The following CCNL2 variants were observed in gnomAD, a reference collection of about 807,000 sequenced individuals.
CCNL2 encodes cyclin L2.
Under a neutral mutation model 59.1 loss-of-function variants are expected in CCNL2, and 28 were observed. The observed-to-expected ratio is 0.47, with a 90% CI of 0.35 to 0.65. The LOEUF (loss-of-function observed/expected upper bound fraction) is 0.65, where lower values mean the gene tolerates loss of function less well. Ranked by LOEUF, CCNL2 falls within the 30% of genes least tolerant of loss-of-function variation. The probability of loss-of-function intolerance (pLI) is 0.00; values close to 1 mark genes in which losing one functional copy is unlikely to be tolerated. For synonymous variants in CCNL2, 342 were observed against 288.6 expected (o/e 1.19, Z -1.88); for missense variants, 714 against 717.4 (o/e 1.00, Z 0.05).
At position 1,385,920 on chromosome 1, in the gene CCNL2, G is replaced by GC. The variant is rs1231455768; in HGVS notation, c.*1310_*1311insG. On this transcript the variant is annotated 3_prime_UTR_variant, in exon 11 of 11. Transcript: ENST00000400809. ...AGTCTCCTCAGTTCCCCAATTCTGA[G>GC]GGGGGGTCCCACCAGCTATCTAATG... 1 of 17,420 alleles carries GC rather than the reference G, an allele frequency of 5.7e-5. No individual in the cohort carries two copies. Among genetic ancestry groups the GC allele is most frequent in the African/African-American group, 6.4e-5 (1 of 15,670 alleles). The allele number at this position is 17,420 out of a possible 1,614,324, so 1.1% of individuals were successfully genotyped here.
intron 5 of CCNL2, chr1:1,392,398 A>G: frequency 9.1e-7 from 1 of 1,103,322 alleles, no homozygotes; most frequent in Non-Finnish European, 1.1e-6. Flanking sequence ...AAGCTGCTCA[A>G]AAGAGCAACT....
rs1180731108 is a variant in CCNL2, at chr1:1,398,299, T to C, written c.407A>G (p.Glu136Gly). The C allele has an allele frequency of 6.2e-7, 1 of 1,614,066 alleles. No homozygotes were observed. Among genetic ancestry groups the C allele is most frequent in the African/African-American group, 1.3e-5 (1 of 74,928 alleles). Residue 136 changes from glutamate to glycine, a missense_variant, in exon 3 of 11, where the codon GAG becomes GGG. Physicochemically the swap from Glu to Gly is moderately conservative, Grantham distance 98. Transcript: ENST00000400809. Reference sequence around the variant, plus strand: ...GACGTCCCGTATGCGTCTTGGGGCCTCTTCTATCTTGGAAGCCAGGTGGAC... The same window carrying C: ...GACGTCCCGTATGCGTCTTGGGGCCCCTTCTATCTTGGAAGCCAGGTGGAC... ...ACVHLASKIEEAPRRIRDVIN... is the reference protein window; with the variant it reads ...ACVHLASKIEGAPRRIRDVIN...
chr1:1,392,412 G>T (rs942556346), intron 5 of CCNL2: 2 of 1,123,130 alleles, frequency 1.8e-6, no homozygotes, highest in African/African-American at 3.2e-5. Context: ...AGCAACTTCA[G>T]GGCTTCTAGA....
intron 4 of CCNL2, among the ~76,000 whole-genome samples, chr1:1,394,364 A>C (rs559335846): frequency 6.6e-6 from 1 of 152,182 alleles, no homozygotes; most frequent in Admixed American, 6.5e-5. Context: ...ACATGCCGCA[A>C]AACTCGCCAG....
intron 3 of CCNL2, 58 bp downstream of exon 3, chr1:1,398,175 A>G (rs955299705): frequency 2.0e-6 from 3 of 1,512,936 alleles, no homozygotes; most frequent in South Asian, 1.1e-5. Flanking sequence ...ACTGTAACTT[A>G]ATCAGAAATA....
In CCNL2 at chr1:1,395,382, C is replaced by A; in HGVS notation, c.594+12G>T. On this transcript the variant is annotated intron_variant, in intron 4 of 10. Transcript: ENST00000400809. ...CCTAGGCGGGCTCGCAGGGCAGGAG[C>A]CGCACACCCACCTTATGAGGATGCT... 2 of 1,613,846 alleles carry A rather than the reference C, an allele frequency of 1.2e-6. No homozygotes were observed. Among genetic ancestry groups the A allele is most frequent in the Non-Finnish European group, 1.7e-6 (2 of 1,179,894 alleles).
intron 5 of CCNL2, chr1:1,392,823 G>A: frequency 3.7e-6 from 6 of 1,611,302 alleles, no homozygotes; most frequent in South Asian, 1.1e-5. Context: ...AAAGAGTACA[G>A]AAAAGAAAAG....
intron 3 of CCNL2, among the ~76,000 whole-genome samples, chr1:1,396,286 AGAT>A (rs1645016301): frequency 6.9e-6 from 1 of 145,902 alleles, no homozygotes; most frequent in Non-Finnish European, 1.5e-5. Flanking sequence ...TCTTTTTTTG[AGAT>A]GGAGTCTCAC....
At position 1,390,880 on chromosome 1, in the gene CCNL2, C is replaced by G. The variant is rs1160097777; in HGVS notation, c.660-15G>C. ...TCATGTAATTCCTGGAAGCCAAACACAGGAAGAACTGCAATGCCCCACCCG... is the reference window on the plus strand; with the variant it reads ...TCATGTAATTCCTGGAAGCCAAACAGAGGAAGAACTGCAATGCCCCACCCG... On this transcript the variant is annotated splice_polypyrimidine_tract_variant and intron_variant, in intron 5 of 10. Coordinates refer to ENST00000400809, the MANE Select transcript of CCNL2 (RefSeq NM_030937.6). 1 of 1,609,700 alleles carries G rather than the reference C, an allele frequency of 6.2e-7. No homozygotes were observed. The highest frequency in any genetic ancestry group is 8.5e-7 in the Non-Finnish European group (1 of 1,176,164).
chr1:1,392,992 A>G, intron 5 of CCNL2: 1 of 647,680 alleles, frequency 1.5e-6, no homozygotes. Context: ...TAGCACATGC[A>G]TTGCTAAAAT....
In CCNL2 at chr1:1,390,558, A is replaced by G. The variant is rs971279476; in HGVS notation, c.765T>C (p.Pro255=). 7 of 1,610,720 alleles carry G rather than the reference A, an allele frequency of 4.3e-6. No individual in the cohort carries two copies. Among genetic ancestry groups the G allele is most frequent in the African/African-American group, 2.7e-5 (2 of 74,776 alleles). The change falls in exon 7 of 11, where the codon CCT becomes CCC. Residue 255 remains proline, a synonymous_variant. Coordinates refer to ENST00000400809, the MANE Select transcript of CCNL2 (RefSeq NM_030937.6). ...IYLAARTLEI[P]LPNRPHWFLL... Reference sequence around the variant, plus strand: ...GAAACCAATGGGGACGATTGGGCAAAGGGATCTGTAAAAACAAACACTATC... The same window carrying G: ...GAAACCAATGGGGACGATTGGGCAAGGGGATCTGTAAAAACAAACACTATC...
intron 3 of CCNL2, among the ~76,000 whole-genome samples, chr1:1,395,749 G>A (rs183366571): frequency 6.6e-6 from 1 of 152,178 alleles, no homozygotes; most frequent in Non-Finnish European, 1.5e-5. Flanking sequence ...AACAGCTTCT[G>A]GTGCACAAGC....
chr1:1,388,272 C>T, intron 8 of CCNL2: 1 of 569,832 alleles, frequency 1.8e-6, no homozygotes, highest in Non-Finnish European at 3.1e-6. Context: ...CCTGTGAGCC[C>T]AGCACTTCGG....
At chr1:1,398,501 G>T in intron 2 of CCNL2, 96 bp downstream of exon 2, 1 of 1,572,136 alleles carries the variant, frequency 6.4e-7, no homozygotes, top group Non-Finnish European at 8.7e-7. Context: ...TCAGACTGGG[G>T]GGCAAGTACT....
Position 1,398,294 on chromosome 1 carries a change from G to C in CCNL2, c.412C>G (p.Pro138Ala). The stretch of plus-strand genomic sequence containing the variant: ...TTGATGACGTCCCGTATGCGTCTTG[G>C]GGCCTCTTCTATCTTGGAAGCCAGG... ...VHLASKIEEA[P>A]RRIRDVINVF... The change falls in exon 3 of 11, where the codon CCA (proline) becomes GCA (alanine). Residue 138 changes from proline (P) to alanine (A), a missense_variant. Pro to Ala is a conservative substitution (Grantham distance 27). Around this residue, in one of 5 missense-constraint regions of CCNL2, gnomAD observed 270 missense variants for 254.9 expected, o/e 1.06. Transcript: ENST00000400809. The C allele has an allele frequency of 6.2e-7, 1 of 1,614,168 alleles. No homozygotes were observed. Among genetic ancestry groups the C allele is most frequent in the Non-Finnish European group, 8.5e-7 (1 of 1,180,030 alleles).
chr1:1,388,166 G>A (rs1644561714), intron 8 of CCNL2, 101 bp from the exon 9 acceptor site: 5 of 851,014 alleles, frequency 5.9e-6, no homozygotes, highest in Admixed American at 2.1e-5. Context: ...GTCAAACAGC[G>A]ACGCAAGCAG....
chr1:1,395,233 A>T, intron 4 of CCNL2, 161 bp downstream of exon 4: 1 of 630,158 alleles, frequency 1.6e-6, no homozygotes, highest in Non-Finnish European at 2.6e-6. Flanking sequence ...GAAGACGAAT[A>T]CGTCAGGAAC....
intron 4 of CCNL2, among the ~76,000 whole-genome samples, chr1:1,393,828 CAG>C (rs2100319199): frequency 6.6e-6 from 1 of 152,306 alleles, no homozygotes. Context: ...TTTCAGCAAA[CAG>C]AGAAGAACAC....
At position 1,387,827 on chromosome 1, in the gene CCNL2, ACGGCTC is replaced by A. The variant is rs764312826; in HGVS notation, c.1155_1160del (p.Ser386_Arg387del). ...ATGGGGACCTCGAGTAGCTCTGCTC[ACGGCTC>A]CGGCTCCGACTCCGACTCTCTCGCC... On this transcript the variant is annotated inframe_deletion, in exon 10 of 11. Coordinates refer to ENST00000400809, the MANE Select transcript of CCNL2 (RefSeq NM_030937.6). The A allele has an allele frequency of 6.2e-7, 1 of 1,613,482 alleles. No individual in the cohort carries two copies. The highest frequency in any genetic ancestry group is 1.3e-5 in the African/African-American group (1 of 74,934).
Sources: gnomAD v4.1 joint callset for allele counts (sites outside exome capture counted in the v4.1 genomes callset) on GRCh38, gnomAD v4.1.1 for gene constraint, gnomAD v4.1.1 regional missense constraint, MANE v1.5 for transcripts, NCBI Gene and HGNC (gene_info 2026-07-23, HGNC 2026-07-21) for gene names.